The following VAT1L variants were observed in gnomAD, a reference collection of about 807,000 sequenced individuals.
VAT1L encodes putative NADPH-dependent quinone oxidoreductase VAT1L.
A neutral mutation model predicts 44.1 loss-of-function variants in VAT1L; 34 were observed. The observed-to-expected ratio is 0.77, with a 90% CI of 0.59 to 1.03. VAT1L has a LOEUF of 1.03. Ranked by LOEUF, VAT1L falls within the 50% of genes least tolerant of loss-of-function variation. The probability of loss-of-function intolerance (pLI) is 0.00; values close to 1 mark genes in which losing one functional copy is unlikely to be tolerated. For synonymous variants in VAT1L, 253 were observed against 202.2 expected, an observed-to-expected ratio of 1.25 and a Z score of -2.13; for missense variants, 615 against 538.8, an observed-to-expected ratio of 1.14 and a Z score of -1.40.
intron 4 of VAT1L, among the ~76,000 whole-genome samples, chr16:77,864,270 AG>A (rs1210940934): frequency 6.6e-6 from 1 of 152,196 alleles, no homozygotes; most frequent in Non-Finnish European, 1.5e-5. Context: ...TTACGTACAA[AG>A]GTATTACGTT....
chr16:77,807,273 G>C (rs1036721066), intron 1 of VAT1L, among the ~76,000 whole-genome samples: 2 of 152,120 alleles, frequency 1.3e-5, no homozygotes, highest in Non-Finnish European at 2.9e-5. Context: ...CACTCCCCCA[G>C]CTACCAGGAA....
At chr16:77,807,347 T>A (rs2016179671) in intron 1 of VAT1L, among the ~76,000 whole-genome samples, 1 of 152,132 alleles carries the variant, frequency 6.6e-6, no homozygotes, top group South Asian at 2.1e-4. Context: ...AAAGAAAGTC[T>A]CCTTCCCCAA....
intron 7 of VAT1L, among the ~76,000 whole-genome samples, chr16:77,937,768 G>C (rs1033746110): frequency 2.6e-5 from 4 of 152,178 alleles, no homozygotes; most frequent in Non-Finnish European, 5.9e-5. Context: ...GGACCTCCTT[G>C]AAAAGGCGAG....
At chr16:77,927,596 G>A (rs2017684561) in intron 7 of VAT1L, among the ~76,000 whole-genome samples, 1 of 152,002 alleles carries the variant, frequency 6.6e-6, no homozygotes, top group South Asian at 2.1e-4. Context: ...GAAAAACTTT[G>A]GCCAGGCGCG....
intron 7 of VAT1L, among the ~76,000 whole-genome samples, chr16:77,939,353 G>A (rs1439993029): frequency 6.6e-6 from 1 of 152,186 alleles, no homozygotes. Context: ...GGCATCAGTG[G>A]TGTTATATCA....
intron 3 of VAT1L, among the ~76,000 whole-genome samples, chr16:77,846,721 T>A (rs912565047): frequency 1.3e-5 from 2 of 152,252 alleles, no homozygotes; most frequent in African/African-American, 4.8e-5. Flanking sequence ...AAAGGAATTA[T>A]GGTATATCTA....
At chr16:77,934,524 G>C (rs997405432) in intron 7 of VAT1L, among the ~76,000 whole-genome samples, 2 of 152,154 alleles carry the variant, frequency 1.3e-5, no homozygotes, top group African/African-American at 2.4e-5. Flanking sequence ...CTGACACCTT[G>C]ATTTTAGGCC....
chr16:77,866,412 T>C (rs2016974722), intron 4 of VAT1L, among the ~76,000 whole-genome samples: 1 of 151,766 alleles, frequency 6.6e-6, no homozygotes, highest in Admixed American at 6.6e-5. Flanking sequence ...TGGTAGCACA[T>C]TGCGTGAAAA....
intron 7 of VAT1L, among the ~76,000 whole-genome samples, chr16:77,918,783 G>A (rs945229108): frequency 2.2e-4 from 33 of 152,024 alleles, no homozygotes; most frequent in Non-Finnish European, 2.1e-4. Flanking sequence ...TTCCAACTCT[G>A]AGCTCCCTGG....
intron 1 of VAT1L, among the ~76,000 whole-genome samples, chr16:77,790,514 C>G (rs1451853680): frequency 6.6e-6 from 1 of 152,116 alleles, no homozygotes; most frequent in African/African-American, 2.4e-5. Flanking sequence ...CATTATTTTT[C>G]TTTACTTGCT....
At position 77,919,546 on chromosome 16, in the gene VAT1L, G is replaced by A. The variant is rs147144538; in HGVS notation, c.1077+34744G>A. On this transcript the variant is annotated intron_variant, in intron 7 of 8. Coordinates refer to ENST00000302536, the MANE Select transcript of VAT1L (RefSeq NM_020927.3). Reference sequence around the variant, plus strand: ...TGGGAATTTGCAAGCGTTACTGAGCGAGTCTGAACTGCCTTCTCAGATCCC... The same window carrying A: ...TGGGAATTTGCAAGCGTTACTGAGCAAGTCTGAACTGCCTTCTCAGATCCC... 2.8e-3 allele frequency among the ~76,000 whole-genome samples: 422 copies of A among 152,286 alleles called. 5 individuals are homozygous for A. Among genetic ancestry groups the A allele is most frequent in the African/African-American group, 9.8e-3 (407 of 41,562 alleles).
intron 7 of VAT1L, among the ~76,000 whole-genome samples, chr16:77,938,037 T>A (rs73568611): frequency 6.6e-6 from 1 of 152,228 alleles, no homozygotes. Context: ...CTTCTTTTTA[T>A]GAGCACTGTT....
intron 7 of VAT1L, among the ~76,000 whole-genome samples, chr16:77,945,592 A>T (rs1388693953): frequency 6.6e-6 from 1 of 151,696 alleles, no homozygotes; most frequent in Non-Finnish European, 1.5e-5. Flanking sequence ...ACCTGGCCAG[A>T]ACTTTTTTCA....
At chr16:77,900,775 G>A (rs950481056) in intron 7 of VAT1L, among the ~76,000 whole-genome samples, 1 of 151,142 alleles carries the variant, frequency 6.6e-6, no homozygotes, top group African/African-American at 2.4e-5. Context: ...CATTGTTATT[G>A]TCAGACTGTA....
intron 3 of VAT1L, 93 bp from the exon 4 acceptor site, chr16:77,862,653 TAG>T: frequency 3.2e-6 from 2 of 615,402 alleles, no homozygotes; most frequent in Non-Finnish European, 5.0e-6. Flanking sequence ...AAAAAGTCAA[TAG>T]TGCCGATGGA....
chr16:77,789,676 CCT>C (rs1246540984), intron 1 of VAT1L, among the ~76,000 whole-genome samples: 1 of 152,136 alleles, frequency 6.6e-6, no homozygotes, highest in Non-Finnish European at 1.5e-5. Flanking sequence ...CCCTCTCCAT[CCT>C]CTGTTTCTCC....
chr16:77,828,284 AG>A (rs2016545236), intron 3 of VAT1L, among the ~76,000 whole-genome samples: 1 of 152,224 alleles, frequency 6.6e-6, no homozygotes, highest in Non-Finnish European at 1.5e-5. Context: ...GGAACTTTAC[AG>A]GTATGACTAA....
chr16:77,883,865 C>T (rs2017180752), intron 6 of VAT1L, among the ~76,000 whole-genome samples: 1 of 152,096 alleles, frequency 6.6e-6, no homozygotes, highest in Non-Finnish European at 1.5e-5. Context: ...TCAGAGTGGC[C>T]ACCTCCATCA....
chr16:77,896,974 G>C (rs886440649), intron 7 of VAT1L, among the ~76,000 whole-genome samples: 3 of 152,200 alleles, frequency 2.0e-5, no homozygotes, highest in African/African-American at 7.2e-5. Flanking sequence ...AGACTGGAAA[G>C]TTTCTATTTG....
Sources: gnomAD v4.1 joint callset for allele counts (sites outside exome capture counted in the v4.1 genomes callset) on GRCh38, gnomAD v4.1.1 for gene constraint, MANE v1.5 for transcripts, NCBI Gene and HGNC (gene_info 2026-07-23, HGNC 2026-07-21) for gene names.